The following THADA variants were observed in gnomAD, a reference collection of about 807,000 sequenced individuals.
The protein encoded by THADA is THADA armadillo repeat containing.
Under a neutral mutation model 219.8 loss-of-function variants are expected in THADA, and 213 were observed. The ratio of observed to expected loss-of-function variants is 0.97; its 90% CI spans 0.87 to 1.09. THADA has a LOEUF of 1.09. Ranked by LOEUF, THADA falls within the 50% of genes least tolerant of loss-of-function variation. The pLI is 0.00. For missense variants in THADA, 2,956 were observed against 2,311.3 expected (o/e 1.28, Z -5.72); for synonymous variants, 1,018 against 828.9 (o/e 1.23, Z -3.92).
chr2:43,569,353 T>C (rs1190924246), intron 14 of THADA, among the ~76,000 whole-genome samples: 1 of 152,180 alleles, frequency 6.6e-6, no homozygotes. Context: ...TAAGATCAAG[T>C]GGAGAGATAT....
intron 26 of THADA, among the ~76,000 whole-genome samples, chr2:43,478,226 A>T (rs1382612076): frequency 6.6e-6 from 1 of 152,248 alleles, no homozygotes; most frequent in African/African-American, 2.4e-5. Flanking sequence ...TCAATGTATA[A>T]CAACAATAGC....
intron 34 of THADA, among the ~76,000 whole-genome samples, chr2:43,287,357 C>T (rs545312972): frequency 1.3e-5 from 2 of 151,956 alleles, no homozygotes; most frequent in Non-Finnish European, 2.9e-5. Context: ...TGCAATGGTG[C>T]GATCTTGGCT....
intron 29 of THADA, among the ~76,000 whole-genome samples, chr2:43,366,849 T>C (rs573546618): frequency 2.6e-5 from 4 of 152,204 alleles, no homozygotes; most frequent in African/African-American, 7.2e-5. Flanking sequence ...ATGTACAGCA[T>C]TGATCATGTA....
intron 29 of THADA, among the ~76,000 whole-genome samples, chr2:43,375,822 G>A (rs888748012): frequency 6.6e-6 from 1 of 152,128 alleles, no homozygotes; most frequent in Non-Finnish European, 1.5e-5. Flanking sequence ...ACAGTGTTAA[G>A]ACAGCAAAGG....
rs1190490104 is a variant in THADA at position 43,514,639 on chromosome 2, A to AT, written c.3375-5860dup. The stretch of plus-strand genomic sequence containing the variant: ...TATATTTTATATATATGTATATTTT[A>AT]TATATAATATATATATTGTATATAA... On this transcript the variant is annotated intron_variant, in intron 22 of 37. Coordinates refer to ENST00000405975, the MANE Select transcript of THADA (RefSeq NM_022065.5). Among the ~76,000 whole-genome samples the AT allele has an allele frequency of 2.0e-3, 165 of 81,580 alleles. 14 individuals are homozygous for AT. The highest frequency in any genetic ancestry group is 6.2e-3 in the South Asian group (19 of 3,082). The allele number at this position is 81,580 out of a possible 152,430, so 53.5% of individuals were successfully genotyped here.
In THADA at chr2:43,578,978, C is replaced by T. The variant is rs111250363; in HGVS notation, c.722-371G>A. ...TCCCAAGTAGCTGGGACTACAGGCGCGTGCCACCACACCCAGCTAATTTTT... is the reference window on the plus strand; with the variant it reads ...TCCCAAGTAGCTGGGACTACAGGCGTGTGCCACCACACCCAGCTAATTTTT... On this transcript the variant is annotated intron_variant, in intron 8 of 37. Transcript: ENST00000405975. Among the ~76,000 whole-genome samples the T allele has an allele frequency of 3.0e-3, 453 of 152,208 alleles. 3 individuals are homozygous for T. The highest frequency in any genetic ancestry group is 0.01 in the African/African-American group (422 of 41,536).
chr2:43,456,868 A>G (rs1444969837), intron 26 of THADA, among the ~76,000 whole-genome samples: 1 of 152,186 alleles, frequency 6.6e-6, no homozygotes, highest in East Asian at 1.9e-4. Context: ...TACACCAGAG[A>G]ACATAACTCA....
intron 26 of THADA, among the ~76,000 whole-genome samples, chr2:43,482,744 C>T (rs1311033945): frequency 4.6e-5 from 7 of 152,146 alleles, no homozygotes; most frequent in Non-Finnish European, 1.0e-4. Flanking sequence ...TCAAAAAGCA[C>T]GGTCTTAAGA....
chr2:43,590,216 A>T (rs1701410425), intron 4 of THADA, among the ~76,000 whole-genome samples: 2 of 152,108 alleles, frequency 1.3e-5, no homozygotes, highest in African/African-American at 4.8e-5. Flanking sequence ...TATCTGTGTA[A>T]ATATATATTT....
At chr2:43,490,794 T>C (rs1281294603) in intron 25 of THADA, among the ~76,000 whole-genome samples, 2 of 152,112 alleles carry the variant, frequency 1.3e-5, no homozygotes, top group South Asian at 2.1e-4. Context: ...TATGTATGTA[T>C]AGGAAAAAAC....
chr2:43,428,380 G>A (rs1573595755), intron 27 of THADA, 149 bp from the exon 28 acceptor site: 1 of 662,380 alleles, frequency 1.5e-6, no homozygotes. Context: ...GGCCGAGGCG[G>A]ATGGATCACG....
intron 28 of THADA, among the ~76,000 whole-genome samples, chr2:43,407,771 A>G (rs1332183681): frequency 1.3e-5 from 2 of 152,068 alleles, no homozygotes; most frequent in African/African-American, 4.8e-5. Flanking sequence ...ATTTTCTCTC[A>G]TTTTTAGTAC....
chr2:43,474,956 T>C (rs1469156630), intron 26 of THADA, among the ~76,000 whole-genome samples: 1 of 152,068 alleles, frequency 6.6e-6, no homozygotes, highest in East Asian at 1.9e-4. Context: ...ATAGAGGCAG[T>C]ATATGCTGAA....
chr2:43,436,427 A>G (rs142438592), intron 26 of THADA, among the ~76,000 whole-genome samples: 2 of 152,116 alleles, frequency 1.3e-5, no homozygotes, highest in Admixed American at 6.5e-5. Flanking sequence ...AATTTAACCA[A>G]CTGCTGGGTC....
intron 24 of THADA, among the ~76,000 whole-genome samples, 172 bp from the exon 25 acceptor site, chr2:43,499,127 A>AT (rs1161357075): frequency 6.6e-6 from 1 of 152,228 alleles, no homozygotes. Flanking sequence ...CTGATAAACC[A>AT]TTTTACAAAA....
intron 29 of THADA, among the ~76,000 whole-genome samples, chr2:43,359,402 G>C (rs1248279358): frequency 5.9e-5 from 9 of 152,230 alleles, no homozygotes; most frequent in Admixed American, 2.6e-4. Context: ...TTTCATGGCT[G>C]GGTGTGGTGG....
chr2:43,370,497 C>T (rs1670673455), intron 29 of THADA, among the ~76,000 whole-genome samples: 2 of 152,026 alleles, frequency 1.3e-5, no homozygotes, highest in African/African-American at 2.4e-5. Context: ...TTCAAGGATG[C>T]TTATTTGAAA....
intron 14 of THADA, 42 bp from the exon 15 acceptor site, chr2:43,566,863 A>G: frequency 1.5e-6 from 2 of 1,355,816 alleles, no homozygotes; most frequent in South Asian, 3.4e-5. Context: ...TAATTACGTC[A>G]CAATAGGTTA....
intron 22 of THADA, among the ~76,000 whole-genome samples, chr2:43,520,486 G>C (rs1553473403): frequency 6.6e-6 from 1 of 152,036 alleles, no homozygotes; most frequent in Non-Finnish European, 1.5e-5. Context: ...TCAGGAGTTG[G>C]AGACCAGCCT....
Sources: allele counts gnomAD v4.1 joint callset (sites outside exome capture counted in the v4.1 genomes callset), GRCh38; gene constraint gnomAD v4.1.1; transcripts MANE v1.5; gene names NCBI Gene and HGNC (gene_info 2026-07-23, HGNC 2026-07-21).